Variants in MECOM observed in about 807,000 individuals in gnomAD.
MECOM encodes histone-lysine N-methyltransferase MECOM.
A neutral mutation model predicts 116.3 loss-of-function variants in MECOM; 13 were observed. The ratio of observed to expected loss-of-function variants is 0.11; its 90% confidence interval spans 0.07 to 0.18. The LOEUF (loss-of-function observed/expected upper bound fraction) is 0.18, where lower values mean the gene tolerates loss of function less well. Ranked by LOEUF, MECOM falls within the 10% of genes least tolerant of loss-of-function variation. MECOM has a pLI of 1.00. For synonymous variants in MECOM, 528 were observed against 535.2 expected (o/e 0.99, Z 0.19); for missense variants, 1,299 against 1,509.0 (o/e 0.86, Z 2.31).
Position 169,121,081 on chromosome 3 carries a change from G to A in MECOM, c.1107C>T (p.Ile369=), listed in dbSNP as rs1241281104. 1.2e-6 allele frequency: 2 copies of A among 1,612,936 alleles called. No individual in the cohort carries two copies. Among genetic ancestry groups the A allele is most frequent in the Non-Finnish European group, 1.7e-6 (2 of 1,179,412 alleles). ...AGATAAAGGGCTTCACACTGCTGTG[G>A]ATGTGCTTGTGTTGTTTGAGGCCCG... is the stretch of plus-strand genomic sequence containing the variant. ...TSSGLKQHKH[I]HSSVKPFICE... is the part of the protein sequence containing the mutation. The change falls in exon 7 of 17, where the codon ATC becomes ATT. Residue 369 remains isoleucine (I), a synonymous_variant. Coordinates refer to ENST00000651503, the MANE Select transcript of MECOM (RefSeq NM_004991.4).
chr3:169,492,678 T>G (rs1753236062), intron 1 of MECOM, among the ~76,000 whole-genome samples: 1 of 152,136 alleles, frequency 6.6e-6, no homozygotes, highest in Admixed American at 6.6e-5. Context: ...TAACTCATAT[T>G]AGGCCCGGCA....
intron 2 of MECOM, among the ~76,000 whole-genome samples, chr3:169,362,802 C>A (rs1728521471): frequency 6.6e-6 from 1 of 151,954 alleles, no homozygotes; most frequent in African/African-American, 2.4e-5. Flanking sequence ...CCACCATACA[C>A]AAGGGCCCCT....
intron 2 of MECOM, among the ~76,000 whole-genome samples, chr3:169,187,581 G>C (rs1577292805): frequency 6.6e-6 from 1 of 151,988 alleles, no homozygotes; most frequent in African/African-American, 2.4e-5. Context: ...TAAAGAAATG[G>C]GTGTGGAATA....
At chr3:169,410,491 A>G (rs1444651406) in intron 1 of MECOM, among the ~76,000 whole-genome samples, 1 of 152,200 alleles carries the variant, frequency 6.6e-6, no homozygotes, top group Non-Finnish European at 1.5e-5. Flanking sequence ...GAAGGACAAT[A>G]AGAGAGGCCT....
At chr3:169,398,514 T>C (rs549744641) in intron 1 of MECOM, among the ~76,000 whole-genome samples, 2 of 152,312 alleles carry the variant, frequency 1.3e-5, no homozygotes, top group African/African-American at 4.8e-5. Context: ...TCAACCTTCT[T>C]CACAAAAATC....
chr3:169,253,787 C>G (rs797020617), intron 2 of MECOM, among the ~76,000 whole-genome samples: 8 of 152,040 alleles, frequency 5.3e-5, no homozygotes, highest in African/African-American at 1.9e-4. Context: ...AGAAAAGGAA[C>G]CCTAACAAAA....
chr3:169,086,219 C>T (rs907470786), intron 16 of MECOM, among the ~76,000 whole-genome samples: 28 of 152,104 alleles, frequency 1.8e-4, no homozygotes, highest in African/African-American at 6.8e-4. Context: ...ATCTCATGAT[C>T]CATTTAACAA....
chr3:169,349,882 T>G (rs1248273862), intron 2 of MECOM, among the ~76,000 whole-genome samples: 2 of 152,078 alleles, frequency 1.3e-5, no homozygotes, highest in African/African-American at 4.8e-5. Context: ...TAACTCAATG[T>G]AAAATGAAAT....
chr3:169,595,791 C>G (rs1301686626), intron 1 of MECOM, among the ~76,000 whole-genome samples: 1 of 152,112 alleles, frequency 6.6e-6, no homozygotes, highest in Non-Finnish European at 1.5e-5. Flanking sequence ...GATACGTATA[C>G]TGTGGGGACT....
At chr3:169,529,709 G>A (rs1185218577) in intron 1 of MECOM, among the ~76,000 whole-genome samples, 1 of 152,204 alleles carries the variant, frequency 6.6e-6, no homozygotes, top group East Asian at 1.9e-4. Context: ...GTTTGTTTTA[G>A]TAACTGAGTG....
chr3:169,287,161 C>T (rs1050152893), intron 2 of MECOM, among the ~76,000 whole-genome samples: 1 of 152,134 alleles, frequency 6.6e-6, no homozygotes, highest in African/African-American at 2.4e-5. Context: ...CTTTACAAGT[C>T]ACCATTTCAC....
chr3:169,623,376 G>C (rs1379896418), intron 1 of MECOM, among the ~76,000 whole-genome samples: 2 of 152,076 alleles, frequency 1.3e-5, no homozygotes, highest in Non-Finnish European at 2.9e-5. Flanking sequence ...TATTATCGAA[G>C]AATGATAATT....
intron 1 of MECOM, among the ~76,000 whole-genome samples, chr3:169,460,681 C>T (rs1001184566): frequency 2.6e-5 from 4 of 152,172 alleles, no homozygotes; most frequent in Admixed American, 6.5e-5. Context: ...GAACAAATCT[C>T]GCTGAGAGTG....
chr3:169,212,318 C>T (rs555360579), intron 2 of MECOM, among the ~76,000 whole-genome samples: 20 of 151,946 alleles, frequency 1.3e-4, no homozygotes, highest in Non-Finnish European at 2.1e-4. Flanking sequence ...TTAAAATGCT[C>T]TGATGGCTTT....
chr3:169,371,202 T>C lies in MECOM; in HGVS notation c.375+9985A>G, dbSNP rs1405225655. Among the ~76,000 whole-genome samples, 3 of 151,970 alleles carry C rather than the reference T, an allele frequency of 2.0e-5. No individual in the cohort carries two copies. In the South Asian group the frequency reaches 6.2e-4, roughly 31 times the overall value. ...TTTTAAAAAGAAGAAAACCCTGCCA[T>C]TTGGGACAATGTGGACAAACCTGGA... On this transcript the variant is annotated intron_variant, in intron 2 of 16. Coordinates refer to ENST00000651503, the MANE Select transcript of MECOM (RefSeq NM_004991.4).
intron 2 of MECOM, among the ~76,000 whole-genome samples, chr3:169,197,843 C>G (rs761209814): frequency 1.3e-5 from 2 of 151,962 alleles, no homozygotes; most frequent in African/African-American, 2.4e-5. Context: ...TGCCTTCTCC[C>G]CTCAGAAAGA....
chr3:169,513,384 T>C (rs1467037253), intron 1 of MECOM, among the ~76,000 whole-genome samples: 5 of 152,380 alleles, frequency 3.3e-5, no homozygotes, highest in South Asian at 4.1e-4. Context: ...GAAATTGAAC[T>C]AAAATCCCTG....
At chr3:169,134,524 C>A (rs980824945) in intron 3 of MECOM, among the ~76,000 whole-genome samples, 2 of 152,220 alleles carry the variant, frequency 1.3e-5, no homozygotes, top group South Asian at 4.1e-4. Flanking sequence ...AACTGGCAAG[C>A]GCCAGATATA....
At position 169,115,476 on chromosome 3, in the gene MECOM, C is replaced by T. The variant is rs267599684; in HGVS notation, c.2396G>A (p.Gly799Glu). 6.2e-7 allele frequency: 1 copy of T among 1,613,968 alleles called. No individual in the cohort carries two copies. The highest frequency in any genetic ancestry group is 8.5e-7 in the Non-Finnish European group (1 of 1,179,966). The change falls in exon 8 of 17, where the codon GGA becomes GAA. Residue 799 changes from glycine to glutamate, a missense_variant. Gly to Glu is a moderately conservative substitution (Grantham distance 98). This residue lies in a region of MECOM where 340 missense variants were observed against 312.6 expected (regional missense o/e 1.09). Transcript: ENST00000651503. ...TGATTCGACGTTGCTTCCTTTTTTT[C>T]CCCCAAACACGTGGTTTTTTCGAGG... ...TEPRKNHVFGGKKGSNVESRP... is the reference protein window; with the variant it reads ...TEPRKNHVFGEKKGSNVESRP...
Sources: allele counts gnomAD v4.1 joint callset (sites outside exome capture counted in the v4.1 genomes callset), GRCh38; gene constraint gnomAD v4.1.1; regional missense constraint gnomAD v4.1.1; transcripts MANE v1.5; gene names NCBI Gene and HGNC (gene_info 2026-07-23, HGNC 2026-07-21).